Variants in ATP8A2 observed in about 807,000 individuals in gnomAD.
ATP8A2 encodes ATPase phospholipid transporting 8A2.
ATP8A2 carries 100 observed loss-of-function variants against 165.6 expected under a neutral mutation model. The ratio of observed to expected loss-of-function variants is 0.60; its 90% CI spans 0.51 to 0.71. The LOEUF is 0.71. Ranked by LOEUF, ATP8A2 falls within the 30% of genes least tolerant of loss-of-function variation. The probability of loss-of-function intolerance (pLI) is 0.00; values close to 1 mark genes in which losing one functional copy is unlikely to be tolerated. For missense variants in ATP8A2, 1,227 were observed against 1,479.5 expected (o/e 0.83, Z 2.80); for synonymous variants, 543 against 548.8 (o/e 0.99, Z 0.15).
At chr13:25,514,417 CAAAGA>C (rs528001955) in intron 2 of ATP8A2, among the ~76,000 whole-genome samples, 339 of 152,194 alleles carry the variant, frequency 2.2e-3, no homozygotes, top group Non-Finnish European at 3.0e-3. Flanking sequence ...GGTAATTTTT[CAAAGA>C]GGAAGTGTAG....
chr13:25,998,517 C>G (rs552039711), intron 35 of ATP8A2, among the ~76,000 whole-genome samples: 1 of 152,138 alleles, frequency 6.6e-6, no homozygotes, highest in Non-Finnish European at 1.5e-5. Flanking sequence ...CTGCCCCTTT[C>G]CTGTTCCTTT....
chr13:25,578,236 T>G (rs1333345017), intron 20 of ATP8A2, among the ~76,000 whole-genome samples: 1 of 152,210 alleles, frequency 6.6e-6, no homozygotes, highest in Non-Finnish European at 1.5e-5. Flanking sequence ...AAAATTTTTG[T>G]AATAGCCTAA....
chr13:25,382,962 A>G (rs374428173), intron 1 of ATP8A2, among the ~76,000 whole-genome samples: 77 of 147,562 alleles, frequency 5.2e-4, no homozygotes, highest in South Asian at 2.4e-3. Context: ...TCATCATGTT[A>G]GCCAGGATGG....
intron 1 of ATP8A2, among the ~76,000 whole-genome samples, chr13:25,424,662 A>G (rs2034393089): frequency 6.6e-6 from 1 of 152,232 alleles, no homozygotes; most frequent in Admixed American, 6.5e-5. Context: ...TAAACCGTTC[A>G]ATAAAGATGG....
chr13:25,510,966 C>T (rs2037206496), intron 2 of ATP8A2, among the ~76,000 whole-genome samples: 1 of 152,178 alleles, frequency 6.6e-6, no homozygotes, highest in Admixed American at 6.5e-5. Context: ...CTCTCCCATC[C>T]CAGTCCTGTT....
chr13:25,978,542 T>C lies in ATP8A2; in HGVS notation c.3377+9863T>C, dbSNP rs1172789705. On this transcript the variant is annotated intron_variant, in intron 35 of 36. Transcript: ENST00000381655. ...TTCTTACAAAGGCGTAGAGAAGAAG[T>C]GTAGACTCCCAGGCCCCCCAGCATT... Among the ~76,000 whole-genome samples, 7 of 152,184 alleles carry C rather than the reference T, an allele frequency of 4.6e-5. No individual in the cohort carries two copies. In the South Asian group the frequency reaches 6.2e-4, roughly 14 times the overall value.
chr13:25,974,101 G>A (rs117468750), intron 35 of ATP8A2, among the ~76,000 whole-genome samples: 26 of 152,288 alleles, frequency 1.7e-4, no homozygotes, highest in African/African-American at 5.1e-4. Flanking sequence ...GAGTGCAGAC[G>A]GCGGAGACAG....
At chr13:25,942,668 C>A (rs970821637) in intron 33 of ATP8A2, among the ~76,000 whole-genome samples, 3 of 152,338 alleles carry the variant, frequency 2.0e-5, no homozygotes, top group Middle Eastern at 6.8e-3. Flanking sequence ...GGGTGATCCA[C>A]GCACCTCGGC....
intron 1 of ATP8A2, among the ~76,000 whole-genome samples, chr13:25,449,755 C>T (rs1024566777): frequency 2.0e-5 from 3 of 152,194 alleles, no homozygotes; most frequent in Non-Finnish European, 4.4e-5. Flanking sequence ...TTAGGATTAT[C>T]AATTCCTGTT....
At chr13:25,539,993 C>A (rs1043350070) in intron 7 of ATP8A2, among the ~76,000 whole-genome samples, 1 of 152,198 alleles carries the variant, frequency 6.6e-6, no homozygotes, top group Admixed American at 6.5e-5. Flanking sequence ...ATTGCCTGAA[C>A]CCAGTGGTTG....
rs1555274920 is a variant in ATP8A2, at chr13:25,465,727, CTTTCTT to C, written c.77-3248_77-3243del. 1.6e-3 allele frequency among the ~76,000 whole-genome samples: 94 copies of C among 59,378 alleles called. 8 individuals carry two copies. Among genetic ancestry groups the C allele is most frequent in the African/African-American group, 6.4e-3 (85 of 13,356 alleles). 39.0% of individuals were successfully genotyped at this position (59,378 alleles called of 152,430 possible). A position where few individuals can be genotyped will look rare whatever the true frequency, so the allele number is the denominator to read the frequency against. On this transcript the variant is annotated intron_variant, in intron 1 of 36. Transcript: ENST00000381655. Reference sequence around the variant, plus strand: ...TCTTTCTTTCTTTCTTTCTTTCTTTCTTTCTTTCTTTCCCTCCCTCCCTCTCTCTCT... The same window carrying C: ...TCTTTCTTTCTTTCTTTCTTTCTTTCTCTTTCCCTCCCTCCCTCTCTCTCT...
At chr13:25,698,926 G>A (rs1252164258) in intron 24 of ATP8A2, among the ~76,000 whole-genome samples, 1 of 152,124 alleles carries the variant, frequency 6.6e-6, no homozygotes, top group East Asian at 1.9e-4. Flanking sequence ...TAATGTGTAT[G>A]TAGTGTAAAG....
At chr13:25,908,519 G>A (rs755541215) in intron 33 of ATP8A2, among the ~76,000 whole-genome samples, 10 of 152,144 alleles carry the variant, frequency 6.6e-5, no homozygotes, top group Admixed American at 3.3e-4. Flanking sequence ...AGGTCCTTCC[G>A]AGGTGTCTTG....
chr13:25,833,601 G>A (rs562958690), intron 28 of ATP8A2, among the ~76,000 whole-genome samples: 3 of 152,060 alleles, frequency 2.0e-5, no homozygotes, highest in African/African-American at 7.2e-5. Context: ...CAATGTAGTG[G>A]GGAAAGTTTG....
chr13:25,947,267 T>C (rs1381086587), intron 33 of ATP8A2, among the ~76,000 whole-genome samples: 1 of 152,158 alleles, frequency 6.6e-6, no homozygotes, highest in Non-Finnish European at 1.5e-5. Context: ...AAATGAAATA[T>C]CTCATATTCA....
chr13:25,934,566 CT>C (rs1566282021), intron 33 of ATP8A2, among the ~76,000 whole-genome samples: 9 of 152,316 alleles, frequency 5.9e-5, no homozygotes. Flanking sequence ...GGATAACGCT[CT>C]TGTGGTAAGG....
intron 24 of ATP8A2, among the ~76,000 whole-genome samples, chr13:25,687,072 C>T (rs17623864): frequency 0.11 from 16,060 of 152,086 alleles, 980 homozygotes; most frequent in East Asian, 0.26. Flanking sequence ...GCCCTTGTCA[C>T]GGCCCCAAAG....
At chr13:25,938,200 T>C (rs1286629317) in intron 33 of ATP8A2, among the ~76,000 whole-genome samples, 2 of 151,424 alleles carry the variant, frequency 1.3e-5, no homozygotes, top group African/African-American at 4.9e-5. Context: ...TGAAGTACAT[T>C]AATTAAATTT....
intron 27 of ATP8A2, among the ~76,000 whole-genome samples, chr13:25,812,415 C>T (rs217887): frequency 0.97 from 134,290 of 139,030 alleles, 64,891 homozygotes; most frequent in East Asian, 1. Flanking sequence ...CCTTGTTTTC[C>T]TTATTCTTAG....
Sources: gnomAD v4.1 joint callset for allele counts (sites outside exome capture counted in the v4.1 genomes callset) on GRCh38, gnomAD v4.1.1 for gene constraint, MANE v1.5 for transcripts, NCBI Gene and HGNC (gene_info 2026-07-23, HGNC 2026-07-21) for gene names.